Variants in KLHDC4 observed in about 807,000 individuals in gnomAD.
KLHDC4 encodes the protein kelch domain containing 4.
In KLHDC4, 90 loss-of-function variants were observed where a neutral mutation model predicts 62.4. The ratio of observed to expected loss-of-function variants is 1.44; its 90% confidence interval spans 1.22 to 1.72. KLHDC4 has a LOEUF of 1.72. Ranked by LOEUF, KLHDC4 falls within the 40% of genes most tolerant of loss-of-function variation. KLHDC4 has a pLI of 0.00. For synonymous variants in KLHDC4, 386 were observed against 284.4 expected, an observed-to-expected ratio of 1.36 and a Z score of -3.59; for missense variants, 1,025 against 699.7, an observed-to-expected ratio of 1.47 and a Z score of -5.25.
chr16:87,727,261 T>C (rs538965703), intron 6 of KLHDC4, among the ~76,000 whole-genome samples: 6 of 152,220 alleles, frequency 3.9e-5, no homozygotes, highest in South Asian at 2.1e-4. Context: ...CCGGAAATAA[T>C]GCTGGCCCAC....
chr16:87,744,782 C>A lies in KLHDC4; in HGVS notation c.506+3891G>T, dbSNP rs188569776. On this transcript the variant is annotated intron_variant, in intron 5 of 11. Coordinates refer to ENST00000270583, the MANE Select transcript of KLHDC4 (RefSeq NM_017566.4). ...ATCAGAAAAAACCTCAGAAACAATA[C>A]AGACCTTCTCCCTTCTCCTGTGCAC... Among the ~76,000 whole-genome samples, 25 of 152,324 alleles carry A rather than the reference C, an allele frequency of 1.6e-4. 1 individual carries two copies. Among genetic ancestry groups the A allele is most frequent in the East Asian group, 1.5e-3 (8 of 5,186 alleles).
At chr16:87,713,777 C>G (rs2036368144) in intron 8 of KLHDC4, among the ~76,000 whole-genome samples, 1 of 152,320 alleles carries the variant, frequency 6.6e-6, no homozygotes, top group Middle Eastern at 3.4e-3. Flanking sequence ...GGGCTGTCCC[C>G]TAGGTCATCC....
At chr16:87,723,330 A>G (rs1397349403) in intron 7 of KLHDC4, among the ~76,000 whole-genome samples, 1 of 152,250 alleles carries the variant, frequency 6.6e-6, no homozygotes, top group Non-Finnish European at 1.5e-5. Context: ...AGAGCTACTG[A>G]ACTAAGTGGA....
At chr16:87,718,182 T>C (rs2037379963) in intron 7 of KLHDC4, among the ~76,000 whole-genome samples, 1 of 152,224 alleles carries the variant, frequency 6.6e-6, no homozygotes, top group Non-Finnish European at 1.5e-5. Flanking sequence ...AACGGCCTTG[T>C]TGCCCTCTGT....
intron 5 of KLHDC4, among the ~76,000 whole-genome samples, chr16:87,736,798 TG>T (rs2041387372): frequency 6.6e-6 from 1 of 152,136 alleles, no homozygotes; most frequent in Admixed American, 6.6e-5. Context: ...AGCAAACTCG[TG>T]GTGCAGATAT....
At chr16:87,743,905 G>A (rs2042627618) in intron 5 of KLHDC4, among the ~76,000 whole-genome samples, 2 of 152,190 alleles carry the variant, frequency 1.3e-5, no homozygotes, top group South Asian at 2.1e-4. Flanking sequence ...GGGGAGGAAT[G>A]AGGGGTATGA....
intron 4 of KLHDC4, chr16:87,750,382 C>T (rs1020979059): frequency 1.3e-5 from 2 of 152,356 alleles, no homozygotes; most frequent in African/African-American, 4.8e-5. Context: ...CGCAGCCCAG[C>T]TTCGCCTGAC....
At chr16:87,741,848 C>G (rs1004376125) in intron 5 of KLHDC4, among the ~76,000 whole-genome samples, 1 of 152,168 alleles carries the variant, frequency 6.6e-6, no homozygotes, top group African/African-American at 2.4e-5. Flanking sequence ...GCTGAAAAAC[C>G]AACTCCCCCA....
chr16:87,755,354 A>G, intron 3 of KLHDC4, 62 bp from the exon 4 acceptor site: 1 of 890,794 alleles, frequency 1.1e-6, no homozygotes, highest in Non-Finnish European at 1.9e-6. Context: ...AGTGGTGAGA[A>G]CAATCTTAAT....
intron 4 of KLHDC4, among the ~76,000 whole-genome samples, chr16:87,753,970 C>CA (rs71230728): frequency 0.1 from 6,530 of 62,970 alleles, 425 homozygotes; most frequent in African/African-American, 0.23. Context: ...GACACCATCT[C>CA]AAAAAAAAAA....
exon 1 of KLHDC4, chr16:87,701,524 G>A: frequency 2.7e-6 from 1 of 371,066 alleles, no homozygotes; most frequent in Admixed American, 3.2e-5. Context: ...CCCGTGACGG[G>A]CACAGGCCAC....
Position 87,718,841 on chromosome 16 carries a change from C to T in KLHDC4, c.760-4268G>A, listed in dbSNP as rs1258735317. Among the ~76,000 whole-genome samples the T allele has an allele frequency of 3.9e-5, 6 of 151,938 alleles. No individual in the cohort carries two copies. The East Asian group carries it at 9.7e-4, about 25-fold the overall frequency. On this transcript the variant is annotated intron_variant, in intron 7 of 11. Coordinates refer to ENST00000270583, the MANE Select transcript of KLHDC4 (RefSeq NM_017566.4). ...GGGGAGTGCCTCTGCCCCGCCGCCC[C>T]GTCTGGGATGTGAGGAGTGCCTCTG...
At chr16:87,711,106 C>T (rs903720628) in intron 9 of KLHDC4, 129 bp downstream of exon 9, 21 of 816,590 alleles carry the variant, frequency 2.6e-5, no homozygotes, top group African/African-American at 2.0e-4. Flanking sequence ...ACGGAACCCT[C>T]GCCCCTCTTG....
At chr16:87,705,800 C>T (rs1042799358), downstream of KLHDC4, among the ~76,000 whole-genome samples, 5 of 147,862 alleles carry the variant, frequency 3.4e-5, no homozygotes, top group African/African-American at 5.0e-5. Flanking sequence ...TGGGCGGGGG[C>T]GGGGGCGGGG....
intron 7 of KLHDC4, among the ~76,000 whole-genome samples, chr16:87,723,692 C>G (rs891536277): frequency 2.0e-5 from 3 of 152,246 alleles, no homozygotes; most frequent in African/African-American, 7.2e-5. Flanking sequence ...CAATCTCTGA[C>G]CAACTGCCAT....
rs1022222702 is a variant in KLHDC4, at chr16:87,734,671, C to A, written c.507-4027G>T. 2.6e-5 allele frequency among the ~76,000 whole-genome samples: 4 copies of A among 152,182 alleles called. No homozygotes were observed. The East Asian group carries it at 7.7e-4, about 29-fold the overall frequency. ...AGACACCAATTCTATTAATCCAACC[C>A]GGAGTTGGCATGAGCCTTTGGGGTG... On this transcript the variant is annotated intron_variant, in intron 5 of 11. Coordinates refer to ENST00000270583, the MANE Select transcript of KLHDC4 (RefSeq NM_017566.4).
At chr16:87,698,602 C>G (rs2034001715) in exon 1 of KLHDC4, 1 of 152,286 alleles carries the variant, frequency 6.6e-6, no homozygotes, top group African/African-American at 2.4e-5. Context: ...AGAACGGCCC[C>G]TTGCCTTCCA....
At chr16:87,728,657 G>A (rs2039796439) in intron 6 of KLHDC4, among the ~76,000 whole-genome samples, 1 of 152,110 alleles carries the variant, frequency 6.6e-6, no homozygotes, top group Non-Finnish European at 1.5e-5. Flanking sequence ...TGTGCATTCT[G>A]ACAATTATTT....
Position 87,708,345 on chromosome 16 carries a change from C to CT in KLHDC4, c.*1+4dup. On this transcript the variant is annotated splice_donor_region_variant and intron_variant, in intron 11 of 11. Transcript: ENST00000270583. ...CGCGCCACCCGCCAGCCCGAGCCCGCTCACCTCAGTCCTCCGCACCGCTCT... is the reference window on the plus strand; with the variant it reads ...CGCGCCACCCGCCAGCCCGAGCCCGCTTCACCTCAGTCCTCCGCACCGCTCT... 1.3e-6 allele frequency: 2 copies of CT among 1,575,092 alleles called. No homozygotes were observed. Among genetic ancestry groups the CT allele is most frequent in the Non-Finnish European group, 1.7e-6 (2 of 1,158,942 alleles).
Sources: allele counts gnomAD v4.1 joint callset (sites outside exome capture counted in the v4.1 genomes callset), GRCh38; gene constraint gnomAD v4.1.1; transcripts MANE v1.5; gene names NCBI Gene and HGNC (gene_info 2026-07-23, HGNC 2026-07-21).